KCNQ2: variants seen among roughly 807,000 people sequenced by gnomAD.
KCNQ2 encodes the protein potassium voltage-gated channel subfamily KQT member 2.
A neutral mutation model predicts 84.8 loss-of-function variants in KCNQ2; 14 were observed. That is an observed-to-expected ratio of 0.17 (90% confidence interval 0.11 to 0.26). The LOEUF is 0.26. Among genes scored for constraint, KCNQ2 ranks in the 10% least tolerant of loss-of-function variants. The pLI is 1.00. For missense variants in KCNQ2, 788 were observed against 1,254.0 expected, an observed-to-expected ratio of 0.63 and a Z score of 5.61; for synonymous variants, 599 against 554.1, an observed-to-expected ratio of 1.08 and a Z score of -1.14.
At chr20:63,458,283 C>G (rs2081857327) in intron 1 of KCNQ2, among the ~76,000 whole-genome samples, 2 of 152,186 alleles carry the variant, frequency 1.3e-5, no homozygotes, top group South Asian at 4.1e-4. Context: ...GGAATGGCAG[C>G]CAGCATAGGC....
intron 1 of KCNQ2, among the ~76,000 whole-genome samples, chr20:63,458,161 G>A (rs547480281): frequency 9.4e-5 from 14 of 148,838 alleles, no homozygotes; most frequent in Admixed American, 4.7e-4. Context: ...TCTTCCTCCC[G>A]GCATGCCCCG....
At position 63,408,655 on chromosome 20, in the gene KCNQ2, C is replaced by T. The variant is rs1470850981; in HGVS notation, c.1764-119G>A. 20 of 1,470,264 alleles carry T rather than the reference C, an allele frequency of 1.4e-5. No homozygotes were observed. The South Asian group carries it at 2.2e-4, about 16-fold the overall frequency. 91.1% of individuals were successfully genotyped at this position (1,470,264 alleles called of 1,614,324 possible). A position where few individuals can be genotyped will look rare whatever the true frequency, so the allele number is the denominator to read the frequency against. On this transcript the variant is annotated intron_variant, in intron 15 of 16. Coordinates refer to ENST00000359125, the MANE Select transcript of KCNQ2 (RefSeq NM_172107.4). The surrounding 1 kb of genome is among the most constrained non-coding windows in gnomAD (Gnocchi z 5.0). Reference sequence around the variant, plus strand: ...CTAGGCTGCAGGCTCAGCCCAGAGCCGACCAGGGGGCAGTGGGTGCCAGGA... The same window carrying T: ...CTAGGCTGCAGGCTCAGCCCAGAGCTGACCAGGGGGCAGTGGGTGCCAGGA...
At position 63,465,297 on chromosome 20, in the gene KCNQ2, G is replaced by A. The variant is rs546782571; in HGVS notation, c.296+6871C>T. 3.3e-5 allele frequency among the ~76,000 whole-genome samples: 5 copies of A among 152,352 alleles called. No homozygotes were observed. In the East Asian group the frequency reaches 5.8e-4, roughly 18 times the overall value. On this transcript the variant is annotated intron_variant, in intron 1 of 16. Transcript: ENST00000359125. The stretch of plus-strand genomic sequence containing the variant: ...ACCTATTTGCTAAGCAGCATCCTGA[G>A]CCACTCCCTCCTCCAGCTCTGTGGG...
chr20:63,402,059 G>A lies in KCNQ2; in HGVS notation c.*4585C>T, dbSNP rs142586041. On this transcript the variant is annotated 3_prime_UTR_variant, in exon 17 of 17. Coordinates refer to ENST00000359125, the MANE Select transcript of KCNQ2 (RefSeq NM_172107.4). Reference sequence around the variant, plus strand: ...CTGTGAACCATCCCTCTCACACCACGTCTGCCGGGCACCCTCCATGGCAGG... The same window carrying A: ...CTGTGAACCATCCCTCTCACACCACATCTGCCGGGCACCCTCCATGGCAGG... 55 of 123,624 alleles carry A rather than the reference G, an allele frequency of 4.4e-4. 1 individual carries two copies. The East Asian group carries it at 8.0e-3, about 18-fold the overall frequency. 7.7% of individuals were successfully genotyped at this position (123,624 alleles called of 1,614,324 possible).
intron 1 of KCNQ2, among the ~76,000 whole-genome samples, chr20:63,452,334 G>A (rs1176713544): frequency 6.6e-6 from 1 of 152,222 alleles, no homozygotes; most frequent in Non-Finnish European, 1.5e-5. Flanking sequence ...GCAGCAGGCT[G>A]GAAACTCAGC....
chr20:63,411,700 T>C, intron 15 of KCNQ2: 1 of 564,924 alleles, frequency 1.8e-6, no homozygotes. Flanking sequence ...TGGTACAAGG[T>C]GCTGCCGTCA....
chr20:63,446,923 C>T lies in KCNQ2; in HGVS notation c.297-86G>A. The T allele has an allele frequency of 8.5e-7, 1 of 1,169,772 alleles. No homozygotes were observed. Among genetic ancestry groups the T allele is most frequent in the Non-Finnish European group, 1.3e-6 (1 of 777,224 alleles). 72.5% of individuals were successfully genotyped at this position (1,169,772 alleles called of 1,614,324 possible). ...CTCCAGAACTCAGGACCCCACTCCC[C>T]ACCAGGCCGCAGCAGGGCACCAGCA... On this transcript the variant is annotated intron_variant, in intron 1 of 16. Coordinates refer to ENST00000359125, the MANE Select transcript of KCNQ2 (RefSeq NM_172107.4). The surrounding 1 kb of genome is among the most constrained non-coding windows in gnomAD (Gnocchi z 5.5).
intron 12 of KCNQ2, among the ~76,000 whole-genome samples, chr20:63,416,125 G>A (rs567611733): frequency 2.4e-4 from 37 of 152,268 alleles, no homozygotes; most frequent in South Asian, 8.3e-4. Flanking sequence ...GGGCTCCTCC[G>A]CCAGCTGGGC....
In KCNQ2 at chr20:63,440,940, G is replaced by A. The variant is rs12625423; in HGVS notation, c.817-1232C>T. 1.5e-3 allele frequency among the ~76,000 whole-genome samples: 229 copies of A among 151,216 alleles called. 3 individuals are homozygous for A. In the East Asian group the frequency reaches 0.041, roughly 27 times the overall value. On this transcript the variant is annotated intron_variant, in intron 5 of 16. Transcript: ENST00000359125. ...GGGCCTCAGCCCTCTACACAATTTC[G>A]TTACCAAAGGAGGCGTGGTTTTTTG... is the stretch of plus-strand genomic sequence containing the variant.
At chr20:63,440,043 C>G (rs1232317709) in intron 5 of KCNQ2, among the ~76,000 whole-genome samples, 1 of 152,236 alleles carries the variant, frequency 6.6e-6, no homozygotes, top group Non-Finnish European at 1.5e-5. Context: ...AAGAGTGCAG[C>G]TGGGGAGAAG....
Position 63,446,177 on chromosome 20 carries a change from C to A in KCNQ2, c.387+570G>T, listed in dbSNP as rs4809563. ...GCTGAGGGAAGGCCCCAGGTAACTG[C>A]AAAGGGGGCCACAGTCTCCACCCAG... On this transcript the variant is annotated intron_variant, in intron 2 of 16. Coordinates refer to ENST00000359125, the MANE Select transcript of KCNQ2 (RefSeq NM_172107.4). The surrounding 1 kb of genome is among the most constrained non-coding windows in gnomAD (Gnocchi z 5.5). 0.54 allele frequency: 141,241 copies of A among 262,644 alleles called. 39,011 individuals carry two copies. The highest frequency in any genetic ancestry group is 0.68 in the African/African-American group (28,924 of 42,806). 16.3% of individuals were successfully genotyped at this position (262,644 alleles called of 1,614,324 possible).
Position 63,446,686 on chromosome 20 carries a change from G to A in KCNQ2, c.387+61C>T, listed in dbSNP as rs1024939634. 6.5e-6 allele frequency: 9 copies of A among 1,389,478 alleles called. No homozygotes were observed. The highest frequency in any genetic ancestry group is 1.8e-4 in the Middle Eastern group (1 of 5,638). 86.1% of individuals were successfully genotyped at this position (1,389,478 alleles called of 1,614,324 possible). A position where few individuals can be genotyped will look rare whatever the true frequency, so the allele number is the denominator to read the frequency against. On this transcript the variant is annotated intron_variant, in intron 2 of 16. Coordinates refer to ENST00000359125, the MANE Select transcript of KCNQ2 (RefSeq NM_172107.4). This position sits in a 1 kb window ranked among gnomAD's most constrained non-coding sequence, Gnocchi z 5.5. The stretch of plus-strand genomic sequence containing the variant: ...GTAGTAACAGGAACGGAAGACAGAC[G>A]CCCAGGCAGCTCCAGCTCCTTCCTG...
chr20:63,411,752 C>T (rs1281771868), intron 15 of KCNQ2: 1 of 592,026 alleles, frequency 1.7e-6, no homozygotes. Context: ...ACAGACACGT[C>T]GGAGAGGCGC....
intron 1 of KCNQ2, among the ~76,000 whole-genome samples, chr20:63,450,207 C>G (rs1422350882): frequency 2.6e-5 from 4 of 151,574 alleles, no homozygotes; most frequent in Admixed American, 6.6e-5. Flanking sequence ...ACGAAGTGCC[C>G]CAAACCCTCT....
At position 63,439,685 on chromosome 20, in the gene KCNQ2, G is replaced by A. The variant is rs201556105; in HGVS notation, c.840C>T (p.Tyr280=). The A allele has an allele frequency of 4.8e-5, 78 of 1,613,340 alleles. No individual in the cohort carries two copies. The Middle Eastern group carries it at 4.9e-4, about 10-fold the overall frequency. ...WGLITLTTIG[Y]GDKYPQTWNG... is the part of the protein sequence containing the mutation. The stretch of plus-strand genomic sequence containing the variant: ...TCCAGGTCTGGGGGTACTTGTCCCC[G>A]TAGCCAATGGTGGTCAGCGTGATCT... Residue 280 remains tyrosine, a synonymous_variant, in exon 6 of 17, where the codon TAC becomes TAT. Coordinates refer to ENST00000359125, the MANE Select transcript of KCNQ2 (RefSeq NM_172107.4).
Position 63,406,694 on chromosome 20 carries a change from T to G in KCNQ2, c.2569A>C (p.Thr857Pro). 1 of 1,606,402 alleles carries G rather than the reference T, an allele frequency of 6.2e-7. No individual in the cohort carries two copies. The highest frequency in any genetic ancestry group is 8.5e-7 in the Non-Finnish European group (1 of 1,177,770). Residue 857 changes from threonine (T) to proline (P), a missense_variant, in exon 17 of 17, where the codon ACC becomes CCC. Physicochemically the swap from Thr to Pro is conservative, Grantham distance 38. Around this residue, in one of 8 missense-constraint regions of KCNQ2, gnomAD observed 378 missense variants for 434.5 expected, o/e 0.87. Transcript: ENST00000359125. Reference sequence around the variant, plus strand: ...ACGTCACCAAAGGGACCCTCGCCGGTGGCCGAGCGTGGCGGGGGCCCGCAC... The same window carrying G: ...ACGTCACCAAAGGGACCCTCGCCGGGGGCCGAGCGTGGCGGGGGCCCGCAC... ...TPCGPPPRSA[T>P]GEGPFGDVGW...
intron 9 of KCNQ2, among the ~76,000 whole-genome samples, chr20:63,429,926 T>C (rs2080743845): frequency 6.6e-6 from 1 of 152,062 alleles, no homozygotes; most frequent in South Asian, 2.1e-4. Flanking sequence ...GTGAGCCCCC[T>C]CCCTGCAGAG....
chr20:63,440,609 C>T (rs1325239587), intron 5 of KCNQ2, among the ~76,000 whole-genome samples: 3 of 152,178 alleles, frequency 2.0e-5, no homozygotes, highest in Non-Finnish European at 2.9e-5. Flanking sequence ...GAGGCCTGAG[C>T]GCAGACAGCA....
At position 63,431,351 on chromosome 20, in the gene KCNQ2, G is replaced by A. The variant is rs781144303; in HGVS notation, c.1137C>T (p.Tyr379=). The A allele has an allele frequency of 1.9e-5, 30 of 1,613,674 alleles. No individual in the cohort carries two copies. The highest frequency in any genetic ancestry group is 1.6e-4 in the Middle Eastern group (1 of 6,082). ...CATGCATTTCCTACCTGGAGGCCCC[G>A]TAGGTTTGAGTTTGCGAACTTTCAA... ...VPMYSSQTQT[Y]GASRLIPPLN... Residue 379 remains tyrosine (Y), a synonymous_variant, in exon 9 of 17, where the codon TAC becomes TAT. Coordinates refer to ENST00000359125, the MANE Select transcript of KCNQ2 (RefSeq NM_172107.4).
Sources: allele counts gnomAD v4.1 joint callset (sites outside exome capture counted in the v4.1 genomes callset), GRCh38; gene constraint gnomAD v4.1.1; regional missense constraint gnomAD v4.1.1; non-coding constraint Gnocchi (gnomAD v3.1); transcripts MANE v1.5; gene names NCBI Gene and HGNC (gene_info 2026-07-23, HGNC 2026-07-21).